TENM3: variants seen among roughly 807,000 people sequenced by gnomAD.
TENM3 encodes the protein teneurin-3.
TENM3 carries 63 observed loss-of-function variants against 255.1 expected under a neutral mutation model. The ratio of observed to expected loss-of-function variants is 0.25; its 90% CI spans 0.20 to 0.30. The LOEUF is 0.30. Ranked by LOEUF, TENM3 falls within the 10% of genes least tolerant of loss-of-function variation. The probability of loss-of-function intolerance (pLI) is 1.00; values close to 1 mark genes in which losing one functional copy is unlikely to be tolerated. For synonymous variants in TENM3, 1,306 were observed against 1,322.3 expected (o/e 0.99, Z 0.27); for missense variants, 2,929 against 3,461.1 (o/e 0.85, Z 3.86).
chr4:182,794,376 GT>G (rs1184286469), intron 26 of TENM3, among the ~76,000 whole-genome samples: 2 of 152,122 alleles, frequency 1.3e-5, no homozygotes, highest in African/African-American at 4.8e-5. Flanking sequence ...GTCATGTTGG[GT>G]TTTTTTAATA....
chr4:181,942,922 T>C, the TENM3 span, among the ~76,000 whole-genome samples: 1 of 152,232 alleles, frequency 6.6e-6, no homozygotes, highest in Admixed American at 6.5e-5. Context: ...AAAATCATTA[T>C]ATTCATACCT....
chr4:182,451,661 C>T (rs1440907258), intron 3 of TENM3, among the ~76,000 whole-genome samples: 1 of 152,134 alleles, frequency 6.6e-6, no homozygotes, highest in Non-Finnish European at 1.5e-5. Context: ...GCTAAGCACC[C>T]GTCACTACTG....
the TENM3 span, among the ~76,000 whole-genome samples, chr4:181,462,613 A>G: frequency 6.6e-6 from 1 of 152,200 alleles, no homozygotes; most frequent in Non-Finnish European, 1.5e-5. Context: ...TATCTGGTCC[A>G]TGTTACTAAA....
At chr4:182,182,693 G>T (rs1321514598) in intron 1 of TENM3, among the ~76,000 whole-genome samples, 2 of 152,258 alleles carry the variant, frequency 1.3e-5, no homozygotes, top group Non-Finnish European at 1.5e-5. Flanking sequence ...TTTAACTGTT[G>T]TGTGTTCTTA....
At chr4:182,619,453 G>A (rs529043260) in intron 4 of TENM3, among the ~76,000 whole-genome samples, 15 of 151,614 alleles carry the variant, frequency 9.9e-5, no homozygotes, top group African/African-American at 2.9e-4. Flanking sequence ...ATAGAAGCTA[G>A]ATTAGAGGTA....
intron 1 of TENM3, among the ~76,000 whole-genome samples, chr4:182,148,077 C>T (rs1473361268): frequency 6.6e-6 from 1 of 151,862 alleles, no homozygotes; most frequent in Non-Finnish European, 1.5e-5. Flanking sequence ...TCTTATAAAA[C>T]CTGATTTATT....
intron 7 of TENM3, among the ~76,000 whole-genome samples, chr4:182,673,546 G>T (rs907074574): frequency 3.3e-5 from 5 of 152,124 alleles, no homozygotes; most frequent in African/African-American, 1.2e-4. Context: ...AATTTCCGAT[G>T]ATCTTATTCC....
At chr4:182,481,021 T>C (rs1362483067) in intron 3 of TENM3, among the ~76,000 whole-genome samples, 4 of 152,078 alleles carry the variant, frequency 2.6e-5, no homozygotes, top group Admixed American at 2.0e-4. Context: ...TCTTTCTTTC[T>C]TTCTTTTTTA....
chr4:182,236,141 C>T (rs1174647251), intron 1 of TENM3, among the ~76,000 whole-genome samples: 1 of 152,190 alleles, frequency 6.6e-6, no homozygotes, highest in African/African-American at 2.4e-5. Context: ...CAACATGTTA[C>T]ACACTGTTTC....
chr4:182,718,548 T>A (rs1212110035), intron 13 of TENM3, among the ~76,000 whole-genome samples: 1 of 152,126 alleles, frequency 6.6e-6, no homozygotes, highest in African/African-American at 2.4e-5. Context: ...ACTATGGGAA[T>A]AAGAATAGTT....
chr4:182,697,636 G>T (rs1757530112), intron 12 of TENM3, among the ~76,000 whole-genome samples: 1 of 152,110 alleles, frequency 6.6e-6, no homozygotes. Flanking sequence ...GGCTGATTTC[G>T]GTGTCTGTTT....
the TENM3 span, among the ~76,000 whole-genome samples, chr4:181,623,942 T>C: frequency 3.3e-5 from 5 of 152,182 alleles, no homozygotes; most frequent in African/African-American, 9.7e-5. Flanking sequence ...TGTGATTTGG[T>C]GGTGTTCTTT....
At chr4:182,104,486 G>C in the TENM3 span, among the ~76,000 whole-genome samples, 1 of 149,858 alleles carries the variant, frequency 6.7e-6, no homozygotes, top group African/African-American at 2.5e-5. Flanking sequence ...GATCATCCAG[G>C]GTTATCACTG....
the TENM3 span, among the ~76,000 whole-genome samples, chr4:181,703,761 T>G: frequency 6.6e-6 from 1 of 151,882 alleles, no homozygotes; most frequent in Admixed American, 6.6e-5. Context: ...AGGACTTATC[T>G]TCCTTCCTCT....
the TENM3 span, among the ~76,000 whole-genome samples, chr4:181,744,766 TG>T: frequency 6.6e-6 from 1 of 152,184 alleles, no homozygotes; most frequent in Non-Finnish European, 1.5e-5. Flanking sequence ...CAAATAGTTT[TG>T]GTATGAGATG....
the TENM3 span, among the ~76,000 whole-genome samples, chr4:181,597,982 T>A: frequency 6.6e-6 from 1 of 152,196 alleles, no homozygotes; most frequent in African/African-American, 2.4e-5. Context: ...ATTCTGTGGG[T>A]CATCCCCAGA....
intron 1 of TENM3, among the ~76,000 whole-genome samples, chr4:182,166,735 G>A (rs898581376): frequency 6.6e-6 from 1 of 152,192 alleles, no homozygotes; most frequent in Non-Finnish European, 1.5e-5. Flanking sequence ...AGGTTAAAGC[G>A]ATGCTCCTGC....
At chr4:181,827,841 G>A in the TENM3 span, among the ~76,000 whole-genome samples, 1 of 152,112 alleles carries the variant, frequency 6.6e-6, no homozygotes, top group Non-Finnish European at 1.5e-5. Context: ...AGTACTGACA[G>A]GCTGTTTTCA....
chr4:182,025,789 C>A, the TENM3 span, among the ~76,000 whole-genome samples: 1 of 151,968 alleles, frequency 6.6e-6, no homozygotes, highest in African/African-American at 2.4e-5. Flanking sequence ...AGCTGAGCAC[C>A]TTTTCATAGG....
Sources: gnomAD v4.1 joint callset for allele counts (sites outside exome capture counted in the v4.1 genomes callset) on GRCh38, gnomAD v4.1.1 for gene constraint, MANE v1.5 for transcripts, NCBI Gene and HGNC (gene_info 2026-07-23, HGNC 2026-07-21) for gene names.